Variants in THBS4 observed in about 807,000 individuals in gnomAD.
The protein encoded by THBS4 is thrombospondin-4.
Under a neutral mutation model 115.7 loss-of-function variants are expected in THBS4, and 90 were observed. That is an observed-to-expected ratio of 0.78 (90% CI 0.66 to 0.93). The LOEUF (loss-of-function observed/expected upper bound fraction) is 0.93. Ranked by LOEUF, THBS4 falls within the 40% of genes least tolerant of loss-of-function variation. The pLI, the probability that THBS4 is intolerant of heterozygous loss-of-function variation, is 0.00. For synonymous variants in THBS4, 460 were observed against 479.3 expected (o/e 0.96, Z 0.53); for missense variants, 1,087 against 1,232.7 (o/e 0.88, Z 1.77).
chr5:80,051,206 G>A (rs1270438235), intron 2 of THBS4, among the ~76,000 whole-genome samples: 5 of 152,150 alleles, frequency 3.3e-5, no homozygotes, highest in Non-Finnish European at 5.9e-5. Flanking sequence ...AGGAAAACTC[G>A]CACCCAACAG....
At chr5:80,064,640 G>A (rs969966902) in intron 8 of THBS4, among the ~76,000 whole-genome samples, 4 of 152,140 alleles carry the variant, frequency 2.6e-5, no homozygotes, top group African/African-American at 9.7e-5. Context: ...GTTGAGGTGG[G>A]AGGATCACCT....
chr5:80,040,961 G>A (rs954137524), intron 2 of THBS4, among the ~76,000 whole-genome samples: 6 of 152,134 alleles, frequency 3.9e-5, no homozygotes, highest in African/African-American at 1.4e-4. Flanking sequence ...TCATTCCCTT[G>A]AGAACTAATC....
In THBS4 at chr5:80,083,097, T is replaced by C. The variant is rs770753879; in HGVS notation, c.2842T>C (p.Phe948Leu). 2 of 1,614,024 alleles carry C rather than the reference T, an allele frequency of 1.2e-6. No individual in the cohort carries two copies. The highest frequency in any genetic ancestry group is 1.1e-5 in the South Asian group (1 of 91,088). The change falls in exon 22 of 22, where the codon TTC becomes CTC. Residue 948 changes from phenylalanine (F) to leucine (L), a missense_variant. Physicochemically the swap from Phe to Leu is conservative, Grantham distance 22. Around this residue, in one of 3 missense-constraint regions of THBS4, gnomAD observed 103 missense variants for 108.2 expected, o/e 0.95. Coordinates refer to ENST00000350881, the MANE Select transcript of THBS4 (RefSeq NM_003248.6). ...TATTGCAGACACCATCCCTGAGGACTTCCAAGAGTTTCAAACCCAGAATTT... is the reference window on the plus strand; with the variant it reads ...TATTGCAGACACCATCCCTGAGGACCTCCAAGAGTTTCAAACCCAGAATTT... ...YRCNDTIPED[F>L]QEFQTQNFDR...
upstream of THBS4, chr5:80,033,390 A>C (rs1832622972): frequency 6.1e-6 from 1 of 163,126 alleles, no homozygotes. Context: ...AGAAGAACTG[A>C]GATGTCAAAC....
At chr5:80,082,972 T>TACA in intron 21 of THBS4, 108 bp from the exon 22 acceptor site, 1 of 654,868 alleles carries the variant, frequency 1.5e-6, no homozygotes, top group Non-Finnish European at 2.2e-6. Flanking sequence ...CGGGGCGTCC[T>TACA]GGGCGGGCTA....
At chr5:80,055,133 G>C (rs1301274147) in intron 2 of THBS4, among the ~76,000 whole-genome samples, 3 of 151,944 alleles carry the variant, frequency 2.0e-5, no homozygotes, top group Admixed American at 1.3e-4. Context: ...ACCAGCCTGG[G>C]CAACATGGCA....
intron 2 of THBS4, among the ~76,000 whole-genome samples, chr5:80,047,307 G>GT (rs1422446876): frequency 6.6e-6 from 1 of 152,100 alleles, no homozygotes; most frequent in Non-Finnish European, 1.5e-5. Context: ...CATTTCACAA[G>GT]GACACTGTCA....
chr5:79,995,271 A>C (rs1231999408), intron 1 of THBS4, among the ~76,000 whole-genome samples: 2 of 152,206 alleles, frequency 1.3e-5, no homozygotes, highest in East Asian at 1.9e-4. Context: ...TTATAAGAAG[A>C]AGCATTTTAT....
chr5:80,064,225 G>A (rs992730493), intron 8 of THBS4, among the ~76,000 whole-genome samples: 3 of 152,202 alleles, frequency 2.0e-5, no homozygotes, highest in African/African-American at 7.2e-5. Flanking sequence ...ACAGTTATGA[G>A]TTCCAAATCT....
At chr5:80,003,697 C>T (rs1181042173) in intron 2 of THBS4, among the ~76,000 whole-genome samples, 1 of 152,252 alleles carries the variant, frequency 6.6e-6, no homozygotes, top group Admixed American at 6.5e-5. Flanking sequence ...AAACTACTCC[C>T]CTTTGGGGAC....
intron 2 of THBS4, among the ~76,000 whole-genome samples, chr5:80,000,721 G>A (rs1831881610): frequency 6.6e-6 from 1 of 152,132 alleles, no homozygotes; most frequent in African/African-American, 2.4e-5. Context: ...ATGAGAGTGA[G>A]CAAATCAAGT....
chr5:79,995,206 T>G (rs1045201114), intron 1 of THBS4, among the ~76,000 whole-genome samples: 6 of 152,164 alleles, frequency 3.9e-5, no homozygotes, highest in Non-Finnish European at 7.3e-5. Flanking sequence ...AAATACAATA[T>G]TAGTGGATTT....
At chr5:80,048,186 C>G (rs1193663436) in intron 2 of THBS4, among the ~76,000 whole-genome samples, 1 of 152,108 alleles carries the variant, frequency 6.6e-6, no homozygotes, top group African/African-American at 2.4e-5. Context: ...GAAGATCAGA[C>G]TAAATCTCTG....
At chr5:80,052,395 T>C (rs2112073704) in intron 2 of THBS4, 1 of 152,374 alleles carries the variant, frequency 6.6e-6, no homozygotes, top group South Asian at 2.1e-4. Flanking sequence ...AGATTAGAAA[T>C]ACCTTAGAAT....
intron 3 of THBS4, among the ~76,000 whole-genome samples, chr5:80,056,361 A>G (rs1833433423): frequency 6.6e-6 from 1 of 152,264 alleles, no homozygotes; most frequent in Admixed American, 6.5e-5. Flanking sequence ...AACGTTGGAA[A>G]GGAAGGGCAA....
chr5:80,024,249 A>T (rs1832433115), intron 2 of THBS4, among the ~76,000 whole-genome samples: 1 of 152,206 alleles, frequency 6.6e-6, no homozygotes, highest in African/African-American at 2.4e-5. Context: ...TCCCAAGGTC[A>T]TATAGTCATG....
At chr5:80,059,261 C>T (rs772060261) in intron 5 of THBS4, among the ~76,000 whole-genome samples, 179 bp from the exon 6 acceptor site, 14 of 146,864 alleles carry the variant, frequency 9.5e-5, no homozygotes, top group Middle Eastern at 3.4e-3. Flanking sequence ...ACCCAGGAGG[C>T]GGAGGTTGTA....
At chr5:80,012,697 C>A (rs1832151764) in intron 2 of THBS4, among the ~76,000 whole-genome samples, 1 of 152,154 alleles carries the variant, frequency 6.6e-6, no homozygotes, top group Admixed American at 6.5e-5. Flanking sequence ...CAGTGTCCAT[C>A]ACTTGAGACA....
intron 2 of THBS4, among the ~76,000 whole-genome samples, chr5:80,010,799 G>A (rs1380881952): frequency 6.6e-6 from 1 of 152,218 alleles, no homozygotes; most frequent in African/African-American, 2.4e-5. Flanking sequence ...TTCAGAGCTG[G>A]GATGAGACCA....
Sources: allele counts gnomAD v4.1 joint callset (sites outside exome capture counted in the v4.1 genomes callset), GRCh38; gene constraint gnomAD v4.1.1; regional missense constraint gnomAD v4.1.1; transcripts MANE v1.5; gene names NCBI Gene and HGNC (gene_info 2026-07-23, HGNC 2026-07-21).